Variants in VRK2 observed in about 807,000 individuals in gnomAD.
The protein encoded by VRK2 is serine/threonine-protein kinase VRK2.
Under a neutral mutation model 57.6 loss-of-function variants are expected in VRK2, and 60 were observed. The ratio of observed to expected loss-of-function variants is 1.04; its 90% CI spans 0.85 to 1.29. The LOEUF is 1.29. VRK2 is among the 50% of genes most tolerant of loss of function. VRK2 has a pLI of 0.00. For synonymous variants in VRK2, 231 were observed against 199.2 expected, an observed-to-expected ratio of 1.16 and a Z score of -1.35; for missense variants, 705 against 588.1, an observed-to-expected ratio of 1.20 and a Z score of -2.06.
At chr2:58,024,215 G>C (rs887129156) in intron 1 of VRK2, among the ~76,000 whole-genome samples, 6 of 152,120 alleles carry the variant, frequency 3.9e-5, no homozygotes, top group African/African-American at 4.8e-5. Flanking sequence ...TGAGGAGAGA[G>C]GAGAGCAGTC....
At chr2:58,073,982 T>C (rs1386330540) in intron 2 of VRK2, among the ~76,000 whole-genome samples, 1 of 152,092 alleles carries the variant, frequency 6.6e-6, no homozygotes, top group Non-Finnish European at 1.5e-5. Context: ...ACTCAAATGC[T>C]AATCTCCTTT....
chr2:57,983,972 G>A (rs1572936185), intron 1 of VRK2, among the ~76,000 whole-genome samples: 2 of 152,166 alleles, frequency 1.3e-5, no homozygotes, highest in East Asian at 3.9e-4. Flanking sequence ...AAGATAGGGG[G>A]ACATCAAAAA....
intron 1 of VRK2, among the ~76,000 whole-genome samples, chr2:57,999,856 C>T (rs993641102): frequency 6.6e-6 from 1 of 152,106 alleles, no homozygotes; most frequent in African/African-American, 2.4e-5. Context: ...GTATTAAAAA[C>T]TATTATAGCC....
chr2:58,005,693 G>A (rs542427074), intron 1 of VRK2, among the ~76,000 whole-genome samples: 2 of 152,142 alleles, frequency 1.3e-5, no homozygotes, highest in African/African-American at 4.8e-5. Context: ...AGTGAGATAG[G>A]AGGTAAACAT....
intron 1 of VRK2, among the ~76,000 whole-genome samples, chr2:58,013,078 A>T (rs867091869): frequency 2.0e-5 from 3 of 152,312 alleles, no homozygotes; most frequent in Middle Eastern, 3.4e-3. Flanking sequence ...CTATGTTTTT[A>T]TAAAAAAATT....
At chr2:58,100,715 T>C (rs1387627206) in intron 7 of VRK2, among the ~76,000 whole-genome samples, 2 of 151,842 alleles carry the variant, frequency 1.3e-5, no homozygotes, top group Admixed American at 6.6e-5. Flanking sequence ...ACATTGTTTT[T>C]GAACTTTGAT....
intron 1 of VRK2, among the ~76,000 whole-genome samples, chr2:57,995,284 C>G (rs754547018): frequency 1.3e-5 from 2 of 152,104 alleles, no homozygotes; most frequent in African/African-American, 4.8e-5. Flanking sequence ...TTATGTAGAT[C>G]CTCCATTACA....
intron 3 of VRK2, among the ~76,000 whole-genome samples, chr2:58,036,759 T>C (rs1674287584): frequency 6.6e-6 from 1 of 152,028 alleles, no homozygotes; most frequent in Admixed American, 6.6e-5. Context: ...CCTGCTCAAG[T>C]CTCCAGTGAT....
At chr2:57,926,660 A>G (rs1430989879) in intron 1 of VRK2, among the ~76,000 whole-genome samples, 1 of 151,548 alleles carries the variant, frequency 6.6e-6, no homozygotes, top group Non-Finnish European at 1.5e-5. Context: ...GATAAAGCAA[A>G]GCTACTCCTG....
intron 12 of VRK2, among the ~76,000 whole-genome samples, chr2:58,150,001 T>C (rs1290583012): frequency 2.0e-5 from 3 of 148,112 alleles, no homozygotes; most frequent in African/African-American, 4.9e-5. Context: ...CTTTTCTTTT[T>C]TTTTTTTTTT....
intron 1 of VRK2, among the ~76,000 whole-genome samples, chr2:57,922,603 G>C (rs1670389446): frequency 6.6e-6 from 1 of 151,474 alleles, no homozygotes; most frequent in African/African-American, 2.4e-5. Flanking sequence ...ATTTTTTTTA[G>C]ATTTTAATTT....
chr2:58,045,715 TC>T, upstream of VRK2, among the ~76,000 whole-genome samples: 1 of 152,332 alleles, frequency 6.6e-6, no homozygotes, highest in Middle Eastern at 3.4e-3. Context: ...ATTAAAGGGC[TC>T]TAATTTTCCT....
upstream of VRK2, among the ~76,000 whole-genome samples, chr2:58,042,259 A>G (rs1674490306): frequency 6.6e-6 from 1 of 152,210 alleles, no homozygotes; most frequent in Non-Finnish European, 1.5e-5. Flanking sequence ...TAATGATCTT[A>G]TATGTAAAGA....
chr2:58,016,135 C>A (rs1194428087), intron 1 of VRK2, among the ~76,000 whole-genome samples: 2 of 152,070 alleles, frequency 1.3e-5, no homozygotes, highest in African/African-American at 4.8e-5. Flanking sequence ...CTTAAATTTT[C>A]TGTGCCTCAG....
At chr2:58,062,080 C>T (rs1023568532) in intron 2 of VRK2, among the ~76,000 whole-genome samples, 1 of 152,004 alleles carries the variant, frequency 6.6e-6, no homozygotes, top group African/African-American at 2.4e-5. Context: ...GCAGCGTGGG[C>T]TTCATGCATG....
chr2:58,111,050 C>T (rs1288539402), intron 7 of VRK2, among the ~76,000 whole-genome samples: 1 of 152,138 alleles, frequency 6.6e-6, no homozygotes, highest in African/African-American at 2.4e-5. Context: ...GATTACACCT[C>T]AGTGGCTGCA....
At chr2:57,996,032 T>G (rs1478664335) in intron 1 of VRK2, among the ~76,000 whole-genome samples, 1 of 152,178 alleles carries the variant, frequency 6.6e-6, no homozygotes, top group Non-Finnish European at 1.5e-5. Context: ...AACAATACAG[T>G]GCAACAACTA....
At chr2:58,094,126 T>G (rs1462536950) in intron 7 of VRK2, among the ~76,000 whole-genome samples, 1 of 152,244 alleles carries the variant, frequency 6.6e-6, no homozygotes, top group Non-Finnish European at 1.5e-5. Context: ...TCTTTTGTCT[T>G]AGGATTGTCT....
intron 7 of VRK2, among the ~76,000 whole-genome samples, chr2:58,119,651 T>C (rs1004365737): frequency 6.6e-6 from 1 of 151,668 alleles, no homozygotes; most frequent in Admixed American, 6.6e-5. Flanking sequence ...CATTCCTAGA[T>C]CTCTTTGGTA....
Sources: allele counts gnomAD v4.1 joint callset (sites outside exome capture counted in the v4.1 genomes callset), GRCh38; gene constraint gnomAD v4.1.1; transcripts MANE v1.5; gene names NCBI Gene and HGNC (gene_info 2026-07-23, HGNC 2026-07-21).